Variants in FGD4 observed in about 807,000 individuals in gnomAD.
The protein encoded by FGD4 is FYVE, RhoGEF and PH domain containing 4, also known as FYVE, RhoGEF and PH domain-containing protein 4.
In FGD4, 42 loss-of-function variants were observed where a neutral mutation model predicts 102.0. The ratio of observed to expected loss-of-function variants is 0.41; its 90% CI spans 0.32 to 0.53. The LOEUF (loss-of-function observed/expected upper bound fraction) is 0.53. Among genes scored for constraint, FGD4 ranks in the 20% least tolerant of loss-of-function variants. The pLI is 0.21. For synonymous variants in FGD4, 380 were observed against 375.7 expected (o/e 1.01, Z -0.13); for missense variants, 902 against 1,078.2 (o/e 0.84, Z 2.29).
At chr12:32,570,221 ATGGG>A in intron 2 of FGD4, among the ~76,000 whole-genome samples, 1 of 121,388 alleles carries the variant, frequency 8.2e-6, no homozygotes, top group Non-Finnish European at 1.6e-5. Flanking sequence ...AGCCTGGGCG[ATGGG>A]GCAAGACGCT....
At position 32,399,736 on chromosome 12, in the gene FGD4, C is replaced by T. The variant is rs893600220; in HGVS notation, c.-58C>T. On this transcript the variant is annotated 5_prime_UTR_variant, in exon 1 of 17. Transcript: ENST00000534526. Reference sequence around the variant, plus strand: ...GCATGCAGGCGACGCCCCCCAGGGGCCGCTCGCGGCTGGACGGGAGCGGGA... The same window carrying T: ...GCATGCAGGCGACGCCCCCCAGGGGTCGCTCGCGGCTGGACGGGAGCGGGA... 5 of 1,512,406 alleles carry T rather than the reference C, an allele frequency of 3.3e-6. No homozygotes were observed. Among genetic ancestry groups the T allele is most frequent in the Middle Eastern group, 2.3e-4 (1 of 4,368 alleles). The allele number at this position is 1,512,406 out of a possible 1,614,324, so 93.7% of individuals were successfully genotyped here. A position where few individuals can be genotyped will look rare whatever the true frequency, so the allele number is the denominator to read the frequency against.
At chr12:32,625,372 C>A (rs895286659) in intron 13 of FGD4, among the ~76,000 whole-genome samples, 1 of 149,806 alleles carries the variant, frequency 6.7e-6, no homozygotes. Context: ...CGGGTTCAAG[C>A]GATTTTCCTG....
chr12:32,581,845 C>G, intron 3 of FGD4, 115 bp from the exon 4 acceptor site: 1 of 1,135,006 alleles, frequency 8.8e-7, no homozygotes, highest in South Asian at 1.5e-5. Context: ...CTGAAACCAT[C>G]AGAGATAGAA....
chr12:32,620,746 G>A (rs1949789270), intron 11 of FGD4, among the ~76,000 whole-genome samples: 1 of 140,096 alleles, frequency 7.1e-6, no homozygotes, highest in Non-Finnish European at 1.5e-5. Context: ...CTCCCAGGCT[G>A]GAGTGCAGTG....
At chr12:32,473,348 G>A (rs917277039) in intron 1 of FGD4, among the ~76,000 whole-genome samples, 1 of 149,018 alleles carries the variant, frequency 6.7e-6, no homozygotes, top group Admixed American at 6.7e-5. Flanking sequence ...TTTATGAGCT[G>A]TAACACTCAC....
intron 1 of FGD4, among the ~76,000 whole-genome samples, chr12:32,407,589 A>G (rs1941001126): frequency 6.6e-6 from 1 of 152,180 alleles, no homozygotes; most frequent in African/African-American, 2.4e-5. Flanking sequence ...GTCCCTCAAT[A>G]CATAATCTGG....
At chr12:32,441,156 G>A (rs1942424202) in intron 1 of FGD4, among the ~76,000 whole-genome samples, 1 of 152,140 alleles carries the variant, frequency 6.6e-6, no homozygotes. Flanking sequence ...GGCAGTGTTG[G>A]TACCTAAGGT....
chr12:32,547,960 C>G (rs1267817010), intron 1 of FGD4, among the ~76,000 whole-genome samples: 1 of 152,178 alleles, frequency 6.6e-6, no homozygotes, highest in Non-Finnish European at 1.5e-5. Flanking sequence ...CCTGCCTCGG[C>G]CTCCCAAAGT....
intron 1 of FGD4, among the ~76,000 whole-genome samples, chr12:32,462,004 C>T (rs1943117527): frequency 6.6e-6 from 1 of 152,072 alleles, no homozygotes; most frequent in Admixed American, 6.5e-5. Context: ...GGATTACAGG[C>T]ATGAGCCACC....
intron 4 of FGD4, among the ~76,000 whole-genome samples, chr12:32,596,958 G>A (rs1268348911): frequency 1.3e-5 from 2 of 150,788 alleles, no homozygotes; most frequent in African/African-American, 4.9e-5. Context: ...AACAAAAAGA[G>A]AAGTACATGG....
At chr12:32,420,037 C>G (rs954251001) in intron 1 of FGD4, among the ~76,000 whole-genome samples, 9 of 152,130 alleles carry the variant, frequency 5.9e-5, no homozygotes, top group African/African-American at 2.2e-4. Flanking sequence ...TGTGAATGCT[C>G]ACCTGATTTT....
chr12:32,594,940 A>C (rs1592337937), intron 4 of FGD4, among the ~76,000 whole-genome samples: 2 of 150,706 alleles, frequency 1.3e-5, no homozygotes, highest in African/African-American at 2.4e-5. Context: ...CTGAGGCAGG[A>C]GAATTGCTTG....
At chr12:32,474,095 A>AG (rs1469198931) in intron 1 of FGD4, among the ~76,000 whole-genome samples, 2 of 152,072 alleles carry the variant, frequency 1.3e-5, no homozygotes, top group African/African-American at 4.8e-5. Flanking sequence ...CTCAAAAAAA[A>AG]AAAACAAAAA....
chr12:32,480,752 G>GC (rs1178504597), intron 1 of FGD4, among the ~76,000 whole-genome samples: 3 of 149,758 alleles, frequency 2.0e-5, no homozygotes, highest in Non-Finnish European at 3.0e-5. Context: ...GCCCTCCTTG[G>GC]CCCCCCAAAG....
rs1950987669 is a variant in FGD4, at chr12:32,638,681, CAG to C, written c.2341_2342del (p.Ser781CysfsTer54). The C allele has an allele frequency of 1.2e-6, 2 of 1,614,192 alleles. No individual in the cohort carries two copies. The highest frequency in any genetic ancestry group is 1.1e-5 in the South Asian group (1 of 91,090). On this transcript the variant is annotated frameshift_variant, in exon 16 of 17. Coordinates refer to ENST00000534526, the MANE Select transcript of FGD4 (RefSeq NM_001370298.3). LOFTEE classifies it high-confidence loss of function. Reference protein sequence around the residue: ...EIESAEVSGNSVVCSFLQYME... With the variant: ...EIESAEVSGNXVVCSFLQYME... ...TTGAATCAGCAGAAGTATCTGGAAA[CAG>C]TGTGGTGTGCAGCTTTCTTCAGTAT...
At chr12:32,538,514 T>A (rs1378996029) in intron 1 of FGD4, among the ~76,000 whole-genome samples, 2 of 152,148 alleles carry the variant, frequency 1.3e-5, no homozygotes, top group Non-Finnish European at 2.9e-5. Context: ...CAATAATGAG[T>A]TCCTGCTATT....
At chr12:32,564,057 G>A (rs1944972500) in intron 1 of FGD4, 80 bp from the exon 2 acceptor site, 3 of 1,354,866 alleles carry the variant, frequency 2.2e-6, no homozygotes, top group Non-Finnish European at 3.0e-6. Context: ...GAGGGAGTGG[G>A]AGAGGGGAAA....
intron 1 of FGD4, among the ~76,000 whole-genome samples, chr12:32,447,668 T>C (rs1324598816): frequency 6.6e-6 from 1 of 152,236 alleles, no homozygotes; most frequent in Non-Finnish European, 1.5e-5. Context: ...ATTCGCTCAG[T>C]GACACAGGTC....
rs992546993 is a variant in FGD4, at chr12:32,480,783, G to A, written c.166+80824G>A. On this transcript the variant is annotated intron_variant, in intron 1 of 16. Transcript: ENST00000534526. ...CAAAGTGCTGGGATTACAGGCGTGAGCCACCACGCCCGGCCTTTTTTTTTT... is the reference window on the plus strand; with the variant it reads ...CAAAGTGCTGGGATTACAGGCGTGAACCACCACGCCCGGCCTTTTTTTTTT... Among the ~76,000 whole-genome samples, 20 of 147,892 alleles carry A rather than the reference G, an allele frequency of 1.4e-4. 1 individual carries two copies. The highest frequency in any genetic ancestry group is 2.2e-4 in the South Asian group (1 of 4,644).
Sources: gnomAD v4.1 joint callset for allele counts (sites outside exome capture counted in the v4.1 genomes callset) on GRCh38, gnomAD v4.1.1 for gene constraint, MANE v1.5 for transcripts, NCBI Gene and HGNC (gene_info 2026-07-23, HGNC 2026-07-21) for gene names.